The following FOXN3 variants were observed in gnomAD, a reference collection of about 807,000 sequenced individuals.
FOXN3 encodes forkhead box N3.
Under a neutral mutation model 38.4 loss-of-function variants are expected in FOXN3, and 7 were observed. The ratio of observed to expected loss-of-function variants is 0.18; its 90% CI spans 0.10 to 0.34. The LOEUF is 0.34. FOXN3 is among the 10% of genes least tolerant of loss of function. The pLI is 1.00. For synonymous variants in FOXN3, 230 were observed against 242.2 expected (o/e 0.95, Z 0.47); for missense variants, 456 against 613.4 (o/e 0.74, Z 2.71).
Position 89,156,860 on chromosome 14 carries a change from T to C in FOXN3, c.*5554A>G, listed in dbSNP as rs1270225279. ...CCTCAACATACATACTCAAGAAATG[T>C]TGCATGTTTAAATAACTGAGAGTGT... On this transcript the variant is annotated 3_prime_UTR_variant, in exon 6 of 6. Coordinates refer to ENST00000557258, the MANE Select transcript of FOXN3 (RefSeq NM_005197.4). 1.3e-5 allele frequency: 2 copies of C among 152,228 alleles called. No individual in the cohort carries two copies. The highest frequency in any genetic ancestry group is 1.9e-4 in the East Asian group (1 of 5,188). The allele number at this position is 152,228 out of a possible 1,614,324, so 9.4% of individuals were successfully genotyped here.
At chr14:89,349,264 G>A (rs572990435) in intron 3 of FOXN3, among the ~76,000 whole-genome samples, 1 of 152,300 alleles carries the variant, frequency 6.6e-6, no homozygotes, top group South Asian at 2.1e-4. Flanking sequence ...TTCTGGACAT[G>A]TCTACTATGT....
intron 1 of FOXN3, among the ~76,000 whole-genome samples, chr14:89,505,667 C>G (rs1371546608): frequency 1.3e-5 from 2 of 152,084 alleles, no homozygotes; most frequent in Admixed American, 6.5e-5. Flanking sequence ...CCCCAAAGTG[C>G]CGAGATTGCA....
intron 3 of FOXN3, among the ~76,000 whole-genome samples, chr14:89,340,705 G>C (rs80104536): frequency 0.024 from 3,603 of 152,110 alleles, 137 homozygotes; most frequent in African/African-American, 0.082. Flanking sequence ...TAAACAATAG[G>C]GGGGAGGTTG....
intron 4 of FOXN3, among the ~76,000 whole-genome samples, chr14:89,212,156 A>G (rs1884114155): frequency 6.6e-6 from 1 of 152,154 alleles, no homozygotes; most frequent in African/African-American, 2.4e-5. Flanking sequence ...GTGAGACAAT[A>G]CATTTCTGTT....
At chr14:89,352,929 C>A (rs1255512231) in intron 2 of FOXN3, among the ~76,000 whole-genome samples, 3 of 152,124 alleles carry the variant, frequency 2.0e-5, no homozygotes, top group African/African-American at 4.8e-5. Flanking sequence ...CCAGAAGCTG[C>A]AGCGAGCGGA....
chr14:89,444,759 ATC>A lies in FOXN3; in HGVS notation c.-14-32271_-14-32270del, dbSNP rs1166221792. Among the ~76,000 whole-genome samples, 8 of 152,272 alleles carry A rather than the reference ATC, an allele frequency of 5.3e-5. No homozygotes were observed. The East Asian group carries it at 1.5e-3, about 29-fold the overall frequency. On this transcript the variant is annotated intron_variant, in intron 1 of 6. Transcript: ENST00000345097. ...CATCACACATTCCCTAGCTTTAGAC[ATC>A]TGTTTTTATGGCTGCAGTGGAACTT...
At chr14:89,413,859 G>A (rs1596260691) in intron 1 of FOXN3, among the ~76,000 whole-genome samples, 1 of 143,410 alleles carries the variant, frequency 7.0e-6, no homozygotes, top group South Asian at 2.3e-4. Context: ...GGAGGGGAAG[G>A]GAGGGCAAGA....
chr14:89,604,806 G>C (rs1896235811), intron 1 of FOXN3, among the ~76,000 whole-genome samples: 1 of 152,168 alleles, frequency 6.6e-6, no homozygotes, highest in Non-Finnish European at 1.5e-5. Context: ...CTTGGAGAAA[G>C]AATACCTTCA....
chr14:89,593,152 G>A (rs1895993030), intron 1 of FOXN3, among the ~76,000 whole-genome samples: 1 of 133,026 alleles, frequency 7.5e-6, no homozygotes, highest in African/African-American at 3.0e-5. Context: ...GGAGGGAGGA[G>A]GAAAGAAAGC....
intron 2 of FOXN3, among the ~76,000 whole-genome samples, chr14:89,360,589 G>A (rs1370117478): frequency 6.8e-6 from 1 of 146,836 alleles, no homozygotes; most frequent in Admixed American, 6.8e-5. Flanking sequence ...AAGAAGAAAG[G>A]GAGAGAGGGA....
rs1892595115 is a variant in FOXN3 at position 89,450,568 on chromosome 14, A to C, written c.-14-38078T>G. Reference sequence around the variant, plus strand: ...AGTTCCTTCCAGCTCAGAAAAAAATAACATTCTCGACTTCATCTTTCCTTT... The same window carrying C: ...AGTTCCTTCCAGCTCAGAAAAAAATCACATTCTCGACTTCATCTTTCCTTT... On this transcript the variant is annotated intron_variant, in intron 1 of 6. Coordinates refer to the FOXN3 transcript ENST00000345097. 2.0e-5 allele frequency among the ~76,000 whole-genome samples: 3 copies of C among 149,400 alleles called. No individual in the cohort carries two copies. In the South Asian group the frequency reaches 6.3e-4, roughly 31 times the overall value.
intron 1 of FOXN3, among the ~76,000 whole-genome samples, chr14:89,562,601 G>C (rs1326083263): frequency 6.6e-6 from 1 of 152,052 alleles, no homozygotes; most frequent in African/African-American, 2.4e-5. Flanking sequence ...CAGGATGGTG[G>C]AACAGAACAC....
intron 4 of FOXN3, among the ~76,000 whole-genome samples, chr14:89,261,656 G>A (rs867335855): frequency 3.3e-5 from 5 of 152,108 alleles, no homozygotes; most frequent in Non-Finnish European, 5.9e-5. Context: ...TAGGCCAGGC[G>A]TGGTGGCTCA....
At chr14:89,530,633 A>G (rs1291779654) in intron 1 of FOXN3, among the ~76,000 whole-genome samples, 5 of 151,774 alleles carry the variant, frequency 3.3e-5, no homozygotes, top group African/African-American at 1.2e-4. Context: ...TTTTTGAGAC[A>G]GAGTCTCAAT....
intron 1 of FOXN3, among the ~76,000 whole-genome samples, chr14:89,569,174 T>C (rs535004154): frequency 8.9e-4 from 135 of 151,628 alleles, no homozygotes; most frequent in Non-Finnish European, 1.5e-3. Flanking sequence ...CACTGCACTC[T>C]AGCCTGGGGG....
At chr14:89,481,935 C>T (rs917729775) in intron 1 of FOXN3, among the ~76,000 whole-genome samples, 1 of 152,240 alleles carries the variant, frequency 6.6e-6, no homozygotes, top group East Asian at 1.9e-4. Context: ...GGTAAACTGG[C>T]GTATGCTAGG....
intron 4 of FOXN3, among the ~76,000 whole-genome samples, chr14:89,275,819 G>A (rs989500842): frequency 1.3e-5 from 2 of 152,220 alleles, no homozygotes; most frequent in Non-Finnish European, 2.9e-5. Flanking sequence ...GGTGCACATG[G>A]AGGAACAGCA....
At chr14:89,579,076 T>G (rs536149021) in intron 1 of FOXN3, among the ~76,000 whole-genome samples, 151 of 151,976 alleles carry the variant, frequency 9.9e-4, no homozygotes, top group African/African-American at 3.4e-3. Context: ...TCTCAAACTC[T>G]TGGCCTCAAG....
At chr14:89,317,815 C>T (rs1887767744) in intron 3 of FOXN3, among the ~76,000 whole-genome samples, 1 of 151,734 alleles carries the variant, frequency 6.6e-6, no homozygotes, top group African/African-American at 2.4e-5. Context: ...GCAGGCATTA[C>T]TGCCTGACTT....
Sources: allele counts gnomAD v4.1 joint callset (sites outside exome capture counted in the v4.1 genomes callset), GRCh38; gene constraint gnomAD v4.1.1; transcripts MANE v1.5; gene names NCBI Gene and HGNC (gene_info 2026-07-23, HGNC 2026-07-21).